JPH1: variants seen among roughly 807,000 people sequenced by gnomAD.
The protein encoded by JPH1 is junctophilin 1.
A neutral mutation model predicts 53.6 loss-of-function variants in JPH1; 12 were observed. The ratio of observed to expected loss-of-function variants is 0.22; its 90% confidence interval spans 0.14 to 0.36. The LOEUF (loss-of-function observed/expected upper bound fraction) is 0.36. JPH1 is among the 10% of genes least tolerant of loss of function. The pLI is 1.00. For missense variants in JPH1, 808 were observed against 905.5 expected (o/e 0.89, Z 1.38); for synonymous variants, 375 against 363.8 (o/e 1.03, Z -0.35).
intron 2 of JPH1, among the ~76,000 whole-genome samples, chr8:74,309,647 G>A (rs1483165129): frequency 6.6e-6 from 1 of 152,146 alleles, no homozygotes; most frequent in Non-Finnish European, 1.5e-5. Context: ...AGGAATTATT[G>A]GAGACAAGAG....
intron 2 of JPH1, among the ~76,000 whole-genome samples, chr8:74,286,652 G>GT (rs1355453115): frequency 6.6e-6 from 1 of 152,134 alleles, no homozygotes; most frequent in African/African-American, 2.4e-5. Flanking sequence ...AATTATGTCT[G>GT]TAACTCTATA....
intron 2 of JPH1, among the ~76,000 whole-genome samples, chr8:74,267,384 T>G (rs1461574126): frequency 2.0e-5 from 3 of 152,210 alleles, no homozygotes; most frequent in African/African-American, 7.2e-5. Flanking sequence ...AATAGAGCTG[T>G]TCACAGTTCT....
intron 3 of JPH1, among the ~76,000 whole-genome samples, chr8:74,256,106 A>G (rs1031764329): frequency 3.3e-5 from 5 of 152,156 alleles, no homozygotes; most frequent in Admixed American, 6.5e-5. Context: ...TGTTTATTGC[A>G]GCACTATTGA....
At chr8:74,249,334 G>A (rs1020505855) in intron 3 of JPH1, among the ~76,000 whole-genome samples, 2 of 152,198 alleles carry the variant, frequency 1.3e-5, no homozygotes, top group Non-Finnish European at 2.9e-5. Flanking sequence ...TCAGTGAAAA[G>A]AGGACCAGAT....
chr8:74,253,639 C>A (rs940212820), intron 3 of JPH1, among the ~76,000 whole-genome samples: 1 of 152,016 alleles, frequency 6.6e-6, no homozygotes, highest in African/African-American at 2.4e-5. Context: ...AATTGATAGA[C>A]CGCTAACAAG....
chr8:74,271,141 C>A (rs533618895), intron 2 of JPH1, among the ~76,000 whole-genome samples: 1 of 152,114 alleles, frequency 6.6e-6, no homozygotes, highest in Admixed American at 6.5e-5. Context: ...GTCATTTCCA[C>A]GAGGCAGGAA....
chr8:74,291,357 C>A (rs1807320823), intron 2 of JPH1, among the ~76,000 whole-genome samples: 1 of 152,158 alleles, frequency 6.6e-6, no homozygotes, highest in African/African-American at 2.4e-5. Flanking sequence ...ATTTATGCAG[C>A]CAACAGACAC....
chr8:74,320,805 T>G lies in JPH1; in HGVS notation c.379+104A>C. On this transcript the variant is annotated intron_variant, in intron 1 of 5. Transcript: ENST00000342232. The surrounding 1 kb of genome is among the most constrained non-coding windows in gnomAD (Gnocchi z 4.4). ...AGGCGCCCCCAGGTGTTTTGGCGGG[T>G]TTCCGGACACGTGCGCCCGGCGTCC... is the stretch of plus-strand genomic sequence containing the variant. 9 of 1,304,402 alleles carry G rather than the reference T, an allele frequency of 6.9e-6. No individual in the cohort carries two copies. Among genetic ancestry groups the G allele is most frequent in the Admixed American group, 3.8e-5 (1 of 26,376 alleles). 80.8% of individuals were successfully genotyped at this position (1,304,402 alleles called of 1,614,324 possible).
At chr8:74,291,302 T>G (rs1362765882) in intron 2 of JPH1, among the ~76,000 whole-genome samples, 2 of 152,112 alleles carry the variant, frequency 1.3e-5, no homozygotes, top group South Asian at 4.2e-4. Flanking sequence ...TCAAACAACC[T>G]TATCAAAAAG....
chr8:74,293,673 T>C (rs1441324355), intron 2 of JPH1, among the ~76,000 whole-genome samples: 3 of 152,226 alleles, frequency 2.0e-5, no homozygotes, highest in Non-Finnish European at 4.4e-5. Context: ...CTGTAATACT[T>C]GGTGATGCAG....
chr8:74,259,362 C>T (rs370294423), intron 3 of JPH1, 23 bp downstream of exon 3: 1 of 1,540,500 alleles, frequency 6.5e-7, no homozygotes, highest in Non-Finnish European at 9.0e-7. Flanking sequence ...CCTGCCTCAC[C>T]CATCAAAGGA....
At chr8:74,308,957 G>C (rs574993863) in intron 2 of JPH1, among the ~76,000 whole-genome samples, 1 of 152,308 alleles carries the variant, frequency 6.6e-6, no homozygotes, top group South Asian at 2.1e-4. Context: ...ATGAGGAATG[G>C]TTTTTTAAAA....
intron 2 of JPH1, among the ~76,000 whole-genome samples, chr8:74,279,458 G>A (rs1333312336): frequency 6.6e-6 from 1 of 152,124 alleles, no homozygotes; most frequent in Non-Finnish European, 1.5e-5. Flanking sequence ...TATTCCCTCT[G>A]TGTTCCTGAC....
At chr8:74,281,047 G>A (rs899012044) in intron 2 of JPH1, among the ~76,000 whole-genome samples, 43 of 152,158 alleles carry the variant, frequency 2.8e-4, no homozygotes, top group African/African-American at 8.9e-4. Flanking sequence ...TTTCCTCCGC[G>A]TGGTTCTGTC....
intron 2 of JPH1, among the ~76,000 whole-genome samples, chr8:74,300,284 A>G (rs1807638488): frequency 6.6e-6 from 1 of 152,252 alleles, no homozygotes; most frequent in East Asian, 1.9e-4. Flanking sequence ...TGAAACCTTC[A>G]TGGAATGTGG....
At position 74,320,799 on chromosome 8, in the gene JPH1, G is replaced by C; in HGVS notation, c.379+110C>G. 1 of 1,293,348 alleles carries C rather than the reference G, an allele frequency of 7.7e-7. No homozygotes were observed. 80.1% of individuals were successfully genotyped at this position (1,293,348 alleles called of 1,614,324 possible). A position where few individuals can be genotyped will look rare whatever the true frequency, so the allele number is the denominator to read the frequency against. ...GGTGGGAGGCGCCCCCAGGTGTTTT[G>C]GCGGGTTTCCGGACACGTGCGCCCG... On this transcript the variant is annotated intron_variant, in intron 1 of 5. Coordinates refer to ENST00000342232, the MANE Select transcript of JPH1 (RefSeq NM_020647.4). The surrounding 1 kb of genome is among the most constrained non-coding windows in gnomAD (Gnocchi z 4.4).
At chr8:74,273,033 G>A (rs1215905314) in intron 2 of JPH1, among the ~76,000 whole-genome samples, 1 of 152,170 alleles carries the variant, frequency 6.6e-6, no homozygotes, top group African/African-American at 2.4e-5. Context: ...TGAAATTAAT[G>A]TTTAAACTAA....
chr8:74,302,711 T>C (rs924883918), intron 2 of JPH1, among the ~76,000 whole-genome samples: 14 of 152,154 alleles, frequency 9.2e-5, no homozygotes, highest in African/African-American at 2.7e-4. Context: ...GGATGGGTCA[T>C]AGGTGCCTCT....
chr8:74,271,507 G>A (rs1463763164), intron 2 of JPH1, among the ~76,000 whole-genome samples: 2 of 152,216 alleles, frequency 1.3e-5, no homozygotes, highest in Non-Finnish European at 2.9e-5. Context: ...CAGATTTGGT[G>A]ACAAAAGGAT....
Sources: allele counts gnomAD v4.1 joint callset (sites outside exome capture counted in the v4.1 genomes callset), GRCh38; gene constraint gnomAD v4.1.1; non-coding constraint Gnocchi (gnomAD v3.1); transcripts MANE v1.5; gene names NCBI Gene and HGNC (gene_info 2026-07-23, HGNC 2026-07-21).